Variants in SPAG16 observed in about 807,000 individuals in gnomAD.
SPAG16 encodes sperm associated antigen 16.
In SPAG16, 86 loss-of-function variants were observed where a neutral mutation model predicts 80.4. That is an observed-to-expected ratio of 1.07 (90% CI 0.90 to 1.28). The LOEUF (loss-of-function observed/expected upper bound fraction) is 1.28, where lower values mean the gene tolerates loss of function less well. Ranked by LOEUF, SPAG16 falls within the 50% of genes most tolerant of loss-of-function variation. The pLI, the probability that SPAG16 is intolerant of heterozygous loss-of-function variation, is 0.00. For missense variants in SPAG16, 870 were observed against 765.3 expected (o/e 1.14, Z -1.61); for synonymous variants, 294 against 265.9 (o/e 1.11, Z -1.03).
chr2:213,931,136 G>C (rs1399431375), intron 12 of SPAG16, among the ~76,000 whole-genome samples: 1 of 152,068 alleles, frequency 6.6e-6, no homozygotes, highest in Non-Finnish European at 1.5e-5. Context: ...ACTTTATTCA[G>C]TTTTTACCAT....
intron 11 of SPAG16, among the ~76,000 whole-genome samples, chr2:213,910,079 C>A (rs1360418685): frequency 6.6e-6 from 1 of 152,082 alleles, no homozygotes; most frequent in Non-Finnish European, 1.5e-5. Context: ...GATATTTGAG[C>A]TTAATTTTAT....
rs534483220 is a variant in SPAG16, at chr2:213,927,572, G to C, written c.1215-2388G>C. Among the ~76,000 whole-genome samples the C allele has an allele frequency of 2.0e-4, 30 of 152,228 alleles. No individual in the cohort carries two copies. In the South Asian group the frequency reaches 5.6e-3, roughly 28 times the overall value. On this transcript the variant is annotated intron_variant, in intron 11 of 15. Transcript: ENST00000331683. ...TTATATTTGATATATTTTGGATTTA[G>C]TATATGAGCTCTGACTCTATATATT... is the stretch of plus-strand genomic sequence containing the variant.
At chr2:213,519,502 C>T (rs1169087424) in intron 10 of SPAG16, among the ~76,000 whole-genome samples, 4 of 152,150 alleles carry the variant, frequency 2.6e-5, no homozygotes, top group Non-Finnish European at 4.4e-5. Context: ...TTGCCTGCCG[C>T]CATCCACATA....
intron 9 of SPAG16, among the ~76,000 whole-genome samples, chr2:213,431,427 A>C (rs1200498320): frequency 1.3e-5 from 2 of 152,038 alleles, no homozygotes; most frequent in African/African-American, 4.8e-5. Flanking sequence ...ATTCCATGCA[A>C]ACAGAGAGCA....
Position 213,595,274 on chromosome 2 carries a change from C to A in SPAG16, c.1070+105184C>A, listed in dbSNP as rs79074442. 1.6e-4 allele frequency among the ~76,000 whole-genome samples: 25 copies of A among 152,062 alleles called. No homozygotes were observed. In the East Asian group the frequency reaches 4.8e-3, roughly 29 times the overall value. On this transcript the variant is annotated intron_variant, in intron 10 of 15. Coordinates refer to ENST00000331683, the MANE Select transcript of SPAG16 (RefSeq NM_024532.5). The stretch of plus-strand genomic sequence containing the variant: ...CTTTTATTTCAATGTAACTCTCATG[C>A]AATTAATTAAAACTCAGTGGGGTAT...
chr2:213,316,798 A>G (rs2063417464), intron 4 of SPAG16, among the ~76,000 whole-genome samples: 1 of 151,940 alleles, frequency 6.6e-6, no homozygotes, highest in Non-Finnish European at 1.5e-5. Context: ...CATGTTTGTC[A>G]TTCATGCCCA....
intron 15 of SPAG16, among the ~76,000 whole-genome samples, chr2:214,338,406 C>T (rs559836897): frequency 6.6e-5 from 10 of 151,830 alleles, no homozygotes; most frequent in African/African-American, 2.2e-4. Flanking sequence ...CCCAGCTACT[C>T]GGGAGGCTGA....
intron 10 of SPAG16, among the ~76,000 whole-genome samples, chr2:213,500,245 A>C (rs1035732346): frequency 2.6e-5 from 4 of 152,160 alleles, no homozygotes; most frequent in Admixed American, 2.6e-4. Flanking sequence ...TGGGCTTAGG[A>C]CTTTTCAATT....
At chr2:214,140,429 T>C (rs74332417) in intron 14 of SPAG16, among the ~76,000 whole-genome samples, 2,423 of 152,184 alleles carry the variant, frequency 0.016, 60 homozygotes, top group African/African-American at 0.056. Flanking sequence ...TGATACTATA[T>C]ATTTGGCAAA....
At chr2:214,042,007 TACACACAC>T (rs78420814) in intron 13 of SPAG16, among the ~76,000 whole-genome samples, 1 of 101,238 alleles carries the variant, frequency 9.9e-6, no homozygotes, top group African/African-American at 4.3e-5. Flanking sequence ...TATATATATA[TACACACAC>T]ACACAAATAT....
At chr2:214,381,132 T>C (rs1700425457) in intron 15 of SPAG16, among the ~76,000 whole-genome samples, 1 of 152,234 alleles carries the variant, frequency 6.6e-6, no homozygotes, top group Non-Finnish European at 1.5e-5. Flanking sequence ...CCTGAAAGTA[T>C]TGATTAGCAT....
intron 15 of SPAG16, among the ~76,000 whole-genome samples, chr2:214,293,122 C>T (rs900943001): frequency 2.0e-5 from 3 of 152,140 alleles, no homozygotes; most frequent in Non-Finnish European, 4.4e-5. Flanking sequence ...TCAGGCAGGC[C>T]AATTCTTGGG....
chr2:213,364,545 A>G lies in SPAG16; in HGVS notation c.832+400A>G, dbSNP rs184943331. On this transcript the variant is annotated intron_variant, in intron 8 of 15. Transcript: ENST00000331683. Reference sequence around the variant, plus strand: ...CATCACCATGGCTTTGGGTCTGTGGAAAGTTCCAAACTGAGCTTTGTGGAG... The same window carrying G: ...CATCACCATGGCTTTGGGTCTGTGGGAAGTTCCAAACTGAGCTTTGTGGAG... 3.2e-5 allele frequency: 5 copies of G among 154,536 alleles called. No individual in the cohort carries two copies. The Middle Eastern group carries it at 1.9e-3, about 59-fold the overall frequency. The allele number at this position is 154,536 out of a possible 1,614,324, so 9.6% of individuals were successfully genotyped here.
chr2:214,124,063 T>C (rs1341713828), intron 14 of SPAG16, among the ~76,000 whole-genome samples: 1 of 152,034 alleles, frequency 6.6e-6, no homozygotes, highest in African/African-American at 2.4e-5. Context: ...TAAATATTCA[T>C]TGACTAGGAA....
intron 13 of SPAG16, among the ~76,000 whole-genome samples, chr2:214,053,179 C>T (rs182326433): frequency 6.6e-5 from 10 of 152,280 alleles, no homozygotes; most frequent in East Asian, 1.9e-4. Flanking sequence ...GCATAAAATA[C>T]GGATGACAGC....
chr2:214,208,591 A>G lies in SPAG16; in HGVS notation c.1720+59325A>G, dbSNP rs191797875. Among the ~76,000 whole-genome samples, 205 of 152,324 alleles carry G rather than the reference A, an allele frequency of 1.3e-3. 1 individual carries two copies. The highest frequency in any genetic ancestry group is 4.1e-3 in the African/African-American group (169 of 41,584). On this transcript the variant is annotated intron_variant, in intron 15 of 15. Coordinates refer to ENST00000331683, the MANE Select transcript of SPAG16 (RefSeq NM_024532.5). ...AGTTAAAAGCATTGGCTCTAGAGCT[A>G]GAATGAATTAATCCAAATTTCAACT...
chr2:214,226,552 G>A (rs1055637504), intron 15 of SPAG16, among the ~76,000 whole-genome samples: 7 of 152,052 alleles, frequency 4.6e-5, no homozygotes, highest in Non-Finnish European at 7.4e-5. Context: ...AAGCAAGTTT[G>A]GTTAAGGCCT....
At chr2:213,678,391 A>G (rs1174667301) in intron 10 of SPAG16, among the ~76,000 whole-genome samples, 1 of 152,222 alleles carries the variant, frequency 6.6e-6, no homozygotes, top group Non-Finnish European at 1.5e-5. Context: ...TAAGGAAAAA[A>G]AGAGAGAAGA....
At chr2:214,319,528 G>C (rs544655050) in intron 15 of SPAG16, among the ~76,000 whole-genome samples, 2 of 151,230 alleles carry the variant, frequency 1.3e-5, no homozygotes, top group South Asian at 4.2e-4. Flanking sequence ...ACTATAATAG[G>C]AATTAATGAA....
Sources: allele counts gnomAD v4.1 joint callset (sites outside exome capture counted in the v4.1 genomes callset), GRCh38; gene constraint gnomAD v4.1.1; transcripts MANE v1.5; gene names NCBI Gene and HGNC (gene_info 2026-07-23, HGNC 2026-07-21).